Variants in PPP1R14C observed in about 807,000 individuals in gnomAD.
The protein encoded by PPP1R14C is protein phosphatase 1 regulatory inhibitor subunit 14C.
Under a neutral mutation model 20.4 loss-of-function variants are expected in PPP1R14C, and 16 were observed. The ratio of observed to expected loss-of-function variants is 0.78; its 90% confidence interval spans 0.53 to 1.19. PPP1R14C has a LOEUF of 1.19. Among genes scored for constraint, PPP1R14C ranks in the 50% most tolerant of loss-of-function variants. The pLI is 0.00. For synonymous variants in PPP1R14C, 91 were observed against 91.0 expected (o/e 1.00, Z 0.00); for missense variants, 211 against 220.1 (o/e 0.96, Z 0.26).
At chr6:150,205,358 C>T (rs1445566076) in intron 1 of PPP1R14C, among the ~76,000 whole-genome samples, 1 of 152,114 alleles carries the variant, frequency 6.6e-6, no homozygotes, top group Non-Finnish European at 1.5e-5. Context: ...GCTCACACAC[C>T]CATCACACTG....
chr6:150,161,997 C>T (rs1777374113), intron 1 of PPP1R14C, among the ~76,000 whole-genome samples: 1 of 151,980 alleles, frequency 6.6e-6, no homozygotes, highest in African/African-American at 2.4e-5. Context: ...ACAGTTGCAC[C>T]CCCTATAAAT....
intron 1 of PPP1R14C, among the ~76,000 whole-genome samples, chr6:150,153,847 G>A (rs1777276996): frequency 6.6e-6 from 1 of 152,228 alleles, no homozygotes; most frequent in Admixed American, 6.5e-5. Context: ...GGAAGGAGCT[G>A]TGGAGGGCTG....
At chr6:150,214,901 C>A in intron 2 of PPP1R14C, 74 bp downstream of exon 2, 2 of 1,062,548 alleles carry the variant, frequency 1.9e-6, no homozygotes, top group Non-Finnish European at 1.4e-6. Flanking sequence ...CAGTGCTTGG[C>A]ATCAACTGAT....
At chr6:150,197,196 A>T (rs1425218521) in intron 1 of PPP1R14C, among the ~76,000 whole-genome samples, 1 of 152,056 alleles carries the variant, frequency 6.6e-6, no homozygotes, top group African/African-American at 2.4e-5. Flanking sequence ...GAGGTGGGGG[A>T]TGAGGGAGTC....
intron 1 of PPP1R14C, among the ~76,000 whole-genome samples, chr6:150,200,228 A>C (rs1487916694): frequency 2.0e-5 from 3 of 151,838 alleles, no homozygotes; most frequent in Non-Finnish European, 4.4e-5. Flanking sequence ...CACACACACA[A>C]CACACACATA....
Position 150,248,898 on chromosome 6 carries a change from G to T in PPP1R14C, c.*78G>T, listed in dbSNP as rs1289513665. 4.7e-6 allele frequency: 4 copies of T among 854,988 alleles called. No homozygotes were observed. Among genetic ancestry groups the T allele is most frequent in the Non-Finnish European group, 7.3e-6 (4 of 547,226 alleles). The allele number at this position is 854,988 out of a possible 1,614,324, so 53.0% of individuals were successfully genotyped here. ...GTACTTCATGAAGACTTTTGTGAAA[G>T]AATAGGTGTCCTTATGAACAACGTT... is the stretch of plus-strand genomic sequence containing the variant. On this transcript the variant is annotated 3_prime_UTR_variant, in exon 4 of 4. Transcript: ENST00000361131.
At position 150,160,366 on chromosome 6, in the gene PPP1R14C, G is replaced by A. The variant is rs148528287; in HGVS notation, c.306+16868G>A. Among the ~76,000 whole-genome samples the A allele has an allele frequency of 1.5e-4, 21 of 144,410 alleles. 1 individual carries two copies. The East Asian group carries it at 4.3e-3, about 30-fold the overall frequency. 94.7% of individuals were successfully genotyped at this position (144,410 alleles called of 152,430 possible). A position where few individuals can be genotyped will look rare whatever the true frequency, so the allele number is the denominator to read the frequency against. On this transcript the variant is annotated intron_variant, in intron 1 of 3. Coordinates refer to ENST00000361131, the MANE Select transcript of PPP1R14C (RefSeq NM_030949.3). ...TGCAAGCTCCACCTCCTGGGTTCACGCCATTCTCCTGCTTCAGCCTCCCGA... is the reference window on the plus strand; with the variant it reads ...TGCAAGCTCCACCTCCTGGGTTCACACCATTCTCCTGCTTCAGCCTCCCGA...
At chr6:150,233,292 C>T (rs1014762654) in intron 3 of PPP1R14C, among the ~76,000 whole-genome samples, 1 of 152,130 alleles carries the variant, frequency 6.6e-6, no homozygotes, top group African/African-American at 2.4e-5. Flanking sequence ...ATCTTCACTT[C>T]ACATCATTGG....
chr6:150,188,845 A>G (rs1562264745), intron 1 of PPP1R14C, among the ~76,000 whole-genome samples: 2 of 149,074 alleles, frequency 1.3e-5, no homozygotes, highest in African/African-American at 5.0e-5. Context: ...TTTATTTTTA[A>G]TTTTTTAATT....
At chr6:150,247,749 A>G (rs1185520437) in intron 3 of PPP1R14C, among the ~76,000 whole-genome samples, 1 of 152,176 alleles carries the variant, frequency 6.6e-6, no homozygotes, top group African/African-American at 2.4e-5. Context: ...GGTGTGCAGT[A>G]TTCTCCAGTG....
intron 1 of PPP1R14C, among the ~76,000 whole-genome samples, chr6:150,150,362 T>A (rs1777231312): frequency 1.3e-5 from 2 of 152,178 alleles, no homozygotes; most frequent in South Asian, 4.1e-4. Context: ...TGATCTTCCC[T>A]GAGTCCCACC....
intron 3 of PPP1R14C, among the ~76,000 whole-genome samples, chr6:150,226,851 C>G (rs145922495): frequency 6.6e-6 from 1 of 152,180 alleles, no homozygotes; most frequent in Non-Finnish European, 1.5e-5. Context: ...TTCTGGGTTC[C>G]AGTAATCTAC....
chr6:150,149,408 G>T (rs1475801743), intron 1 of PPP1R14C, among the ~76,000 whole-genome samples: 1 of 147,774 alleles, frequency 6.8e-6, no homozygotes, highest in Non-Finnish European at 1.5e-5. Flanking sequence ...TCATTGCATC[G>T]TTGACCACCC....
At chr6:150,157,934 C>T (rs986075413) in intron 1 of PPP1R14C, among the ~76,000 whole-genome samples, 10 of 152,204 alleles carry the variant, frequency 6.6e-5, no homozygotes, top group Non-Finnish European at 7.3e-5. Context: ...ACGTGCGTTT[C>T]GATGGGGACA....
chr6:150,184,358 T>C (rs1777653958), intron 1 of PPP1R14C, among the ~76,000 whole-genome samples: 1 of 152,188 alleles, frequency 6.6e-6, no homozygotes, highest in African/African-American at 2.4e-5. Flanking sequence ...TGGTAGATAG[T>C]ATCTGGCACG....
intron 3 of PPP1R14C, among the ~76,000 whole-genome samples, chr6:150,245,193 G>A (rs1015063199): frequency 1.3e-5 from 2 of 152,122 alleles, no homozygotes; most frequent in African/African-American, 2.4e-5. Context: ...AATGGGTCCC[G>A]GGTCTACCCA....
In PPP1R14C at chr6:150,184,291, T is replaced by A. The variant is rs369228512; in HGVS notation, c.307-30453T>A. ...GAGGGGCCGTCTCCATCATACCACCTCCTCTTGCTCCTAGGCGAGCCTAAC... is the reference window on the plus strand; with the variant it reads ...GAGGGGCCGTCTCCATCATACCACCACCTCTTGCTCCTAGGCGAGCCTAAC... On this transcript the variant is annotated intron_variant, in intron 1 of 3. Transcript: ENST00000361131. 7.2e-5 allele frequency among the ~76,000 whole-genome samples: 11 copies of A among 152,232 alleles called. No homozygotes were observed. In the South Asian group the frequency reaches 2.3e-3, roughly 32 times the overall value.
chr6:150,195,235 ATG>A (rs58219129), intron 1 of PPP1R14C: 17,703 of 869,250 alleles, frequency 0.02, 934 homozygotes, highest in African/African-American at 0.17. Flanking sequence ...ATTGCAGTAT[ATG>A]TGTGTGTGTG....
chr6:150,187,603 A>G (rs1202783781), intron 1 of PPP1R14C, among the ~76,000 whole-genome samples: 1 of 152,174 alleles, frequency 6.6e-6, no homozygotes, highest in Non-Finnish European at 1.5e-5. Flanking sequence ...AACTCCATCC[A>G]TGTTTCTGCA....
Sources: allele counts gnomAD v4.1 joint callset (sites outside exome capture counted in the v4.1 genomes callset), GRCh38; gene constraint gnomAD v4.1.1; transcripts MANE v1.5; gene names NCBI Gene and HGNC (gene_info 2026-07-23, HGNC 2026-07-21).